The following STK10 variants were observed in gnomAD, a reference collection of about 807,000 sequenced individuals.
STK10 encodes serine/threonine-protein kinase 10.
STK10 carries 78 observed loss-of-function variants against 113.8 expected under a neutral mutation model. That is an observed-to-expected ratio of 0.69 (90% CI 0.57 to 0.83). STK10 has a LOEUF of 0.83. STK10 is among the 40% of genes least tolerant of loss of function. The pLI is 0.00. For missense variants in STK10, 1,109 were observed against 1,280.1 expected (o/e 0.87, Z 2.04); for synonymous variants, 465 against 494.7 (o/e 0.94, Z 0.80).
chr5:172,130,436 C>T (rs1339253649), intron 2 of STK10, among the ~76,000 whole-genome samples: 1 of 151,604 alleles, frequency 6.6e-6, no homozygotes, highest in Non-Finnish European at 1.5e-5. Flanking sequence ...GAGGCGGAGG[C>T]AGGAGAATCA....
chr5:172,150,149 C>G (rs145915913), intron 2 of STK10, among the ~76,000 whole-genome samples: 3 of 151,544 alleles, frequency 2.0e-5, no homozygotes, highest in Non-Finnish European at 4.4e-5. Flanking sequence ...AAAGGAAGCT[C>G]ATCTCGGGTC....
chr5:172,116,431 C>T (rs1013764410), intron 4 of STK10, among the ~76,000 whole-genome samples: 2 of 152,016 alleles, frequency 1.3e-5, no homozygotes, highest in African/African-American at 4.8e-5. Flanking sequence ...TTTGGCGATG[C>T]AGAAGTACAC....
chr5:172,063,821 T>C (rs1048934159), intron 13 of STK10, among the ~76,000 whole-genome samples: 9 of 152,202 alleles, frequency 5.9e-5, no homozygotes, highest in Non-Finnish European at 1.3e-4. Context: ...CTATGAATGC[T>C]GAAGCAGGTA....
At chr5:172,181,784 C>G (rs775373066) in intron 1 of STK10, among the ~76,000 whole-genome samples, 5 of 151,702 alleles carry the variant, frequency 3.3e-5, no homozygotes, top group Non-Finnish European at 5.9e-5. Flanking sequence ...GCAATCCAGC[C>G]TGGGTGACAG....
At chr5:172,171,362 C>T (rs1770662045) in intron 1 of STK10, among the ~76,000 whole-genome samples, 1 of 152,120 alleles carries the variant, frequency 6.6e-6, no homozygotes, top group Non-Finnish European at 1.5e-5. Context: ...GTAACCGCTC[C>T]TCCTCCAGAA....
Position 172,093,466 on chromosome 5 carries a change from G to T in STK10, c.1500C>A (p.Thr500=), listed in dbSNP as rs779045626. ...TCAGCGACAGGTCAGTGGAGAGATT[G>T]GTACCATAGTCCATGCTCTCAGAGG... The part of the protein sequence containing the change: ...LCTSESMDYG[T]NLSTDLSLNK... Residue 500 remains threonine, a synonymous_variant, in exon 9 of 19, where the codon ACC becomes ACA. Transcript: ENST00000176763. The surrounding 1 kb of genome is among the most constrained non-coding windows in gnomAD (Gnocchi z 4.1). 3 of 1,614,052 alleles carry T rather than the reference G, an allele frequency of 1.9e-6. No homozygotes were observed. Among genetic ancestry groups the T allele is most frequent in the Non-Finnish European group, 2.5e-6 (3 of 1,179,904 alleles).
At chr5:172,106,908 C>T in intron 5 of STK10, 94 bp from the exon 6 acceptor site, 5 of 1,332,140 alleles carry the variant, frequency 3.8e-6, no homozygotes, top group Non-Finnish European at 5.1e-6. Flanking sequence ...GAGCCACTGT[C>T]GGGGTTGGCA....
At chr5:172,090,209 T>C (rs1308528136) in intron 10 of STK10, 23 bp downstream of exon 10, 2 of 1,613,074 alleles carry the variant, frequency 1.2e-6, no homozygotes, top group African/African-American at 2.7e-5. Flanking sequence ...GTTACCACCA[T>C]TGGTGGCCCT....
intron 8 of STK10, among the ~76,000 whole-genome samples, chr5:172,096,017 G>A (rs892126411): frequency 1.3e-5 from 2 of 152,206 alleles, no homozygotes; most frequent in Admixed American, 1.3e-4. Flanking sequence ...ACTGAGGGCA[G>A]CTAGAGGGGG....
chr5:172,140,685 A>G (rs1282846391), intron 2 of STK10, among the ~76,000 whole-genome samples: 1 of 152,226 alleles, frequency 6.6e-6, no homozygotes, highest in Non-Finnish European at 1.5e-5. Context: ...CAACTGAGCA[A>G]GACTCTGTCT....
rs1285593563 is a variant in STK10, at chr5:172,157,220, C to T, written c.157-432G>A. On this transcript the variant is annotated intron_variant, in intron 1 of 18. Coordinates refer to ENST00000176763, the MANE Select transcript of STK10 (RefSeq NM_005990.4). ...TGCCTGACAGCAGGCTGGGGAGGGG[C>T]CAGAAATAGGGAGGCATTCAAAGGG... 3.3e-5 allele frequency among the ~76,000 whole-genome samples: 5 copies of T among 152,170 alleles called. No homozygotes were observed. In the East Asian group the frequency reaches 5.8e-4, roughly 18 times the overall value.
intron 2 of STK10, among the ~76,000 whole-genome samples, chr5:172,153,709 G>A (rs531947333): frequency 4.1e-4 from 62 of 152,248 alleles, no homozygotes; most frequent in Non-Finnish European, 4.1e-4. Flanking sequence ...CAGGGGCCCA[G>A]GCCTGGTCAC....
intron 3 of STK10, among the ~76,000 whole-genome samples, chr5:172,118,393 T>A (rs1179316266): frequency 2.6e-5 from 4 of 152,070 alleles, no homozygotes; most frequent in Non-Finnish European, 1.5e-5. Flanking sequence ...TGAGTGACAC[T>A]TGGAACAGAG....
At chr5:172,151,047 G>A (rs541800276) in intron 2 of STK10, among the ~76,000 whole-genome samples, 68 of 152,370 alleles carry the variant, frequency 4.5e-4, no homozygotes, top group African/African-American at 1.6e-3. Flanking sequence ...ACCAGGCCCC[G>A]TGCCGGGGAC....
At chr5:172,104,470 T>A (rs1769057101) in intron 7 of STK10, among the ~76,000 whole-genome samples, 1 of 152,220 alleles carries the variant, frequency 6.6e-6, no homozygotes, top group East Asian at 1.9e-4. Flanking sequence ...ATTATCCACC[T>A]GCCCATTCTA....
intron 12 of STK10, among the ~76,000 whole-genome samples, chr5:172,079,072 G>GT (rs1220318494): frequency 6.6e-6 from 1 of 152,130 alleles, no homozygotes; most frequent in Non-Finnish European, 1.5e-5. Context: ...AACCCTGAAT[G>GT]TACTTCTCAT....
chr5:172,059,290 C>T (rs532857053), intron 14 of STK10, among the ~76,000 whole-genome samples: 10 of 151,980 alleles, frequency 6.6e-5, no homozygotes, highest in South Asian at 4.2e-4. Context: ...GACATGGTGG[C>T]GCAAAGCTGT....
At chr5:172,160,150 G>GA (rs67907580) in intron 1 of STK10, among the ~76,000 whole-genome samples, 16,700 of 145,082 alleles carry the variant, frequency 0.12, 1,452 homozygotes, top group African/African-American at 0.25. Flanking sequence ...AAAAAAGAAA[G>GA]AAAAAAAAAC....
chr5:172,053,235 G>A (rs1197746841), intron 17 of STK10, 193 bp from the exon 18 acceptor site: 16 of 578,230 alleles, frequency 2.8e-5, no homozygotes, highest in Middle Eastern at 4.5e-4. Context: ...GAATAGTCCA[G>A]AATATGTTAA....
Sources: allele counts gnomAD v4.1 joint callset (sites outside exome capture counted in the v4.1 genomes callset), GRCh38; gene constraint gnomAD v4.1.1; non-coding constraint Gnocchi (gnomAD v3.1); transcripts MANE v1.5; gene names NCBI Gene and HGNC (gene_info 2026-07-23, HGNC 2026-07-21).